The following MINDY3 variants were observed in gnomAD, a reference collection of about 807,000 sequenced individuals.
MINDY3 encodes MINDY lysine 48 deubiquitinase 3, also known as ubiquitin carboxyl-terminal hydrolase MINDY-3.
MINDY3 carries 38 observed loss-of-function variants against 69.2 expected under a neutral mutation model. The observed-to-expected ratio is 0.55, with a 90% CI of 0.42 to 0.72. The LOEUF is 0.72. MINDY3 is among the 30% of genes least tolerant of loss of function. The pLI is 0.00. For synonymous variants in MINDY3, 192 were observed against 180.1 expected, an observed-to-expected ratio of 1.07 and a Z score of -0.53; for missense variants, 522 against 519.0, an observed-to-expected ratio of 1.01 and a Z score of -0.06.
intron 3 of MINDY3, 32 bp downstream of exon 3, chr10:15,843,180 G>A (rs1452902632): frequency 2.5e-6 from 4 of 1,571,006 alleles, no homozygotes; most frequent in Non-Finnish European, 3.5e-6. Flanking sequence ...AACAGAGGAG[G>A]AAGCAAAAGT....
chr10:15,785,508 C>G (rs1317375991), intron 13 of MINDY3, among the ~76,000 whole-genome samples: 1 of 152,124 alleles, frequency 6.6e-6, no homozygotes. Context: ...AATACTGTCT[C>G]AAAGTTTAAG....
At chr10:15,834,469 G>T in intron 7 of MINDY3, 74 bp downstream of exon 7, 1 of 1,024,416 alleles carries the variant, frequency 9.8e-7, no homozygotes, top group Non-Finnish European at 1.5e-6. Context: ...ACTTGACTCA[G>T]TCATGTTTTA....
intron 1 of MINDY3, among the ~76,000 whole-genome samples, chr10:15,859,438 A>G (rs1834926800): frequency 6.6e-6 from 1 of 152,132 alleles, no homozygotes; most frequent in Non-Finnish European, 1.5e-5. Flanking sequence ...TGCCTATCCA[A>G]ACTTAAGAAT....
At chr10:15,851,352 T>G (rs1179809477) in intron 1 of MINDY3, among the ~76,000 whole-genome samples, 1 of 152,122 alleles carries the variant, frequency 6.6e-6, no homozygotes, top group Non-Finnish European at 1.5e-5. Flanking sequence ...CTAAGTCCCT[T>G]AACATGGTCC....
At chr10:15,844,802 A>C (rs184960851) in intron 2 of MINDY3, among the ~76,000 whole-genome samples, 10 of 152,180 alleles carry the variant, frequency 6.6e-5, no homozygotes, top group Non-Finnish European at 7.4e-5. Flanking sequence ...CCTTACATGC[A>C]CTGGCAATTG....
intron 2 of MINDY3, among the ~76,000 whole-genome samples, chr10:15,843,648 GA>G (rs1383807465): frequency 6.6e-6 from 1 of 152,062 alleles, no homozygotes; most frequent in African/African-American, 2.4e-5. Flanking sequence ...TCAGGTAAAA[GA>G]AATCTAAATA....
chr10:15,805,328 G>A (rs1427994648), intron 10 of MINDY3, among the ~76,000 whole-genome samples: 4 of 152,028 alleles, frequency 2.6e-5, no homozygotes, highest in South Asian at 2.1e-4. Context: ...ACTGTACACA[G>A]GCCTTATAAT....
chr10:15,814,449 A>C (rs1052941472), intron 10 of MINDY3, among the ~76,000 whole-genome samples: 2 of 151,702 alleles, frequency 1.3e-5, no homozygotes, highest in African/African-American at 4.8e-5. Flanking sequence ...TTATTCATTC[A>C]ACTAATAATT....
At chr10:15,834,695 A>G in intron 6 of MINDY3, 79 bp from the exon 7 acceptor site, 3 of 862,956 alleles carry the variant, frequency 3.5e-6, no homozygotes, top group South Asian at 3.1e-5. Context: ...ACTAGTTTAC[A>G]CTATAAACTA....
intron 8 of MINDY3, among the ~76,000 whole-genome samples, chr10:15,832,958 G>A (rs930192907): frequency 2.0e-5 from 3 of 152,174 alleles, no homozygotes; most frequent in African/African-American, 4.8e-5. Flanking sequence ...GTACTTCAGA[G>A]AGGCACACTG....
intron 8 of MINDY3, among the ~76,000 whole-genome samples, chr10:15,822,494 G>A (rs1355034243): frequency 6.6e-6 from 1 of 152,142 alleles, no homozygotes; most frequent in Non-Finnish European, 1.5e-5. Context: ...CAACAAACAG[G>A]TATGAAAAAT....
chr10:15,802,973 G>T (rs1838372703), intron 10 of MINDY3, among the ~76,000 whole-genome samples: 1 of 152,084 alleles, frequency 6.6e-6, no homozygotes, highest in African/African-American at 2.4e-5. Flanking sequence ...AAACCCAAGA[G>T]ATTATTGTAA....
chr10:15,835,458 T>C (rs527750837), intron 6 of MINDY3, among the ~76,000 whole-genome samples: 1 of 152,272 alleles, frequency 6.6e-6, no homozygotes, highest in South Asian at 2.1e-4. Flanking sequence ...CAAAGAAGCA[T>C]GAGCTCTTGC....
chr10:15,850,376 G>T (rs1301982818), intron 1 of MINDY3, among the ~76,000 whole-genome samples: 1 of 152,174 alleles, frequency 6.6e-6, no homozygotes, highest in African/African-American at 2.4e-5. Flanking sequence ...TGACTGTCTG[G>T]GAGCTGGGCA....
intron 3 of MINDY3, 116 bp downstream of exon 3, chr10:15,843,096 A>C: frequency 1.2e-6 from 1 of 840,814 alleles, no homozygotes; most frequent in African/African-American, 1.7e-5. Flanking sequence ...AAAACATTTT[A>C]AAAGGAAACC....
chr10:15,858,645 A>G (rs1198170934), intron 1 of MINDY3, among the ~76,000 whole-genome samples: 1 of 152,226 alleles, frequency 6.6e-6, no homozygotes, highest in Admixed American at 6.5e-5. Flanking sequence ...ACCTGAACCA[A>G]GTACATCTAT....
At position 15,831,769 on chromosome 10, in the gene MINDY3, G is replaced by A. The variant is rs570360492; in HGVS notation, c.730+1861C>T. 2.3e-3 allele frequency among the ~76,000 whole-genome samples: 341 copies of A among 149,348 alleles called. 2 individuals are homozygous for A. The highest frequency in any genetic ancestry group is 6.9e-3 in the African/African-American group (280 of 40,492). ...CAGCTCACTGCAACCTCCGCCTCCC[G>A]GGTTCAAGCAATTCTCCTGCCTCAG... On this transcript the variant is annotated intron_variant, in intron 8 of 14. Coordinates refer to ENST00000277632, the MANE Select transcript of MINDY3 (RefSeq NM_024948.4).
chr10:15,832,460 T>C (rs1399130204), intron 8 of MINDY3, among the ~76,000 whole-genome samples: 5 of 151,518 alleles, frequency 3.3e-5, no homozygotes, highest in African/African-American at 7.3e-5. Context: ...TTTTTTTTCA[T>C]TGACAGGATT....
At chr10:15,820,580 A>T (rs984975362) in intron 9 of MINDY3, among the ~76,000 whole-genome samples, 1 of 152,152 alleles carries the variant, frequency 6.6e-6, no homozygotes, top group South Asian at 2.1e-4. Context: ...AGTTTACACA[A>T]TTAAAGTCAC....
Sources: gnomAD v4.1 joint callset for allele counts (sites outside exome capture counted in the v4.1 genomes callset) on GRCh38, gnomAD v4.1.1 for gene constraint, MANE v1.5 for transcripts, NCBI Gene and HGNC (gene_info 2026-07-23, HGNC 2026-07-21) for gene names.